Variants in KCNH7 observed in about 807,000 individuals in gnomAD.
KCNH7 encodes the protein potassium voltage-gated channel subfamily H member 7.
KCNH7 carries 49 observed loss-of-function variants against 120.8 expected under a neutral mutation model. The ratio of observed to expected loss-of-function variants is 0.41; its 90% CI spans 0.32 to 0.51. The LOEUF (loss-of-function observed/expected upper bound fraction) is 0.51, where lower values mean the gene tolerates loss of function less well. KCNH7 is among the 20% of genes least tolerant of loss of function. The probability of loss-of-function intolerance (pLI) is 0.38; values close to 1 mark genes in which losing one functional copy is unlikely to be tolerated. For synonymous variants in KCNH7, 547 were observed against 516.1 expected (o/e 1.06, Z -0.81); for missense variants, 1,097 against 1,446.6 (o/e 0.76, Z 3.92).
chr2:162,829,582 G>A (rs1025264025), intron 2 of KCNH7, among the ~76,000 whole-genome samples: 9 of 152,082 alleles, frequency 5.9e-5, no homozygotes, highest in African/African-American at 2.2e-4. Flanking sequence ...GCAAGTGAGT[G>A]ACACTTAGGT....
chr2:162,428,854 G>A (rs1055390992), intron 8 of KCNH7, among the ~76,000 whole-genome samples: 22 of 151,762 alleles, frequency 1.4e-4, no homozygotes, highest in African/African-American at 5.1e-4. Context: ...ATTAGGATTT[G>A]TATGAACATT....
chr2:162,735,386 T>TA lies in KCNH7; in HGVS notation c.307+101150dup, dbSNP rs956684152. 4.6e-5 allele frequency among the ~76,000 whole-genome samples: 7 copies of TA among 152,226 alleles called. 1 individual carries two copies. Among genetic ancestry groups the TA allele is most frequent in the South Asian group, 4.1e-4 (2 of 4,824 alleles). ...AATCCTGCTAAAGAATAAGCATAGT[T>TA]AAAAAATAACCTGCCATTGCTTTGC... On this transcript the variant is annotated intron_variant, in intron 2 of 15. Transcript: ENST00000332142.
intron 2 of KCNH7, among the ~76,000 whole-genome samples, chr2:162,740,510 G>A (rs1021802576): frequency 7.2e-5 from 11 of 152,170 alleles, no homozygotes; most frequent in African/African-American, 2.4e-4. Flanking sequence ...GTGAGTTTGT[G>A]TCTGCAGGCA....
chr2:162,674,561 A>T (rs966502161), intron 2 of KCNH7, among the ~76,000 whole-genome samples: 8 of 151,750 alleles, frequency 5.3e-5, no homozygotes, highest in African/African-American at 1.9e-4. Context: ...AAAAAAGAAT[A>T]AATTTAGGGG....
chr2:162,809,911 T>TAATATAATATACA (rs1455946367), intron 2 of KCNH7, among the ~76,000 whole-genome samples: 2 of 54,860 alleles, frequency 3.6e-5, no homozygotes, highest in African/African-American at 5.6e-5. Context: ...CACCTATTCT[T>TAATATAATATACA]TTTTTTTTTT....
In KCNH7 at chr2:162,747,187, T is replaced by C. The variant is rs557590562; in HGVS notation, c.307+89350A>G. Among the ~76,000 whole-genome samples, 17 of 152,130 alleles carry C rather than the reference T, an allele frequency of 1.1e-4. No homozygotes were observed. In the East Asian group the frequency reaches 3.3e-3, roughly 29 times the overall value. ...TGGATGAAGAGATAAGAAAAAAAAG[T>C]CTTAAAAATATGGTAGCAAAAAAGC... is the stretch of plus-strand genomic sequence containing the variant. On this transcript the variant is annotated intron_variant, in intron 2 of 15. Transcript: ENST00000332142.
At chr2:162,786,784 A>G (rs957420431) in intron 2 of KCNH7, among the ~76,000 whole-genome samples, 2 of 152,194 alleles carry the variant, frequency 1.3e-5, no homozygotes, top group African/African-American at 4.8e-5. Flanking sequence ...GAAGAGGGGT[A>G]TCATCAGCAA....
At chr2:162,563,665 A>C (rs573434340) in intron 2 of KCNH7, among the ~76,000 whole-genome samples, 1 of 152,312 alleles carries the variant, frequency 6.6e-6, no homozygotes, top group South Asian at 2.1e-4. Context: ...TACAAAGTGT[A>C]AACTAAGAAA....
At chr2:162,672,060 T>C (rs1685379406) in intron 2 of KCNH7, among the ~76,000 whole-genome samples, 1 of 152,004 alleles carries the variant, frequency 6.6e-6, no homozygotes, top group Admixed American at 6.6e-5. Context: ...AAAGCAAAGA[T>C]TGACAGAACC....
At chr2:162,488,637 A>G (rs541313060) in intron 6 of KCNH7, among the ~76,000 whole-genome samples, 3 of 152,274 alleles carry the variant, frequency 2.0e-5, no homozygotes, top group East Asian at 3.9e-4. Context: ...TCATTTTACA[A>G]TCCTACACTC....
At chr2:162,391,173 A>T (rs572273714) in intron 12 of KCNH7, among the ~76,000 whole-genome samples, 1 of 152,192 alleles carries the variant, frequency 6.6e-6, no homozygotes, top group Admixed American at 6.6e-5. Flanking sequence ...GTTTCCTTTC[A>T]TATGAGCAAT....
chr2:162,793,479 A>C (rs565912904), intron 2 of KCNH7, among the ~76,000 whole-genome samples: 24 of 152,218 alleles, frequency 1.6e-4, no homozygotes, highest in African/African-American at 5.8e-4. Flanking sequence ...TAAGAAATCA[A>C]TTCATTTTAT....
At chr2:162,770,624 A>G (rs1034873878) in intron 2 of KCNH7, among the ~76,000 whole-genome samples, 18 of 152,126 alleles carry the variant, frequency 1.2e-4, no homozygotes, top group African/African-American at 4.1e-4. Context: ...TGACTATTAT[A>G]TGATTCGGAT....
chr2:162,425,623 G>A (rs1357446060), intron 8 of KCNH7, among the ~76,000 whole-genome samples: 3 of 152,120 alleles, frequency 2.0e-5, no homozygotes, highest in Non-Finnish European at 4.4e-5. Flanking sequence ...TACCTATCAT[G>A]TGCTCAGGAA....
intron 6 of KCNH7, among the ~76,000 whole-genome samples, chr2:162,455,285 C>T (rs1329393357): frequency 2.0e-5 from 3 of 152,050 alleles, no homozygotes; most frequent in Non-Finnish European, 4.4e-5. Flanking sequence ...GGGATGAAGC[C>T]GACTTGATCA....
At chr2:162,501,307 G>T (rs1054885831) in intron 6 of KCNH7, among the ~76,000 whole-genome samples, 1 of 152,020 alleles carries the variant, frequency 6.6e-6, no homozygotes, top group Non-Finnish European at 1.5e-5. Flanking sequence ...AAAAAAGAGA[G>T]AACTTTTATA....
chr2:162,551,230 T>C (rs1054119063), intron 2 of KCNH7, among the ~76,000 whole-genome samples: 1 of 152,148 alleles, frequency 6.6e-6, no homozygotes, highest in African/African-American at 2.4e-5. Flanking sequence ...GCTTAAAACA[T>C]TTTTGAAAAC....
chr2:162,414,581 T>C (rs1001581176), intron 9 of KCNH7, among the ~76,000 whole-genome samples: 1 of 151,916 alleles, frequency 6.6e-6, no homozygotes, highest in Non-Finnish European at 1.5e-5. Flanking sequence ...CATAATTAAA[T>C]GTTTTTTAGA....
intron 2 of KCNH7, among the ~76,000 whole-genome samples, chr2:162,647,147 C>A (rs1415362087): frequency 3.3e-5 from 5 of 152,128 alleles, no homozygotes; most frequent in Non-Finnish European, 7.3e-5. Flanking sequence ...TATGTGTCCA[C>A]CTAATGGCAT....
Sources: gnomAD v4.1 joint callset for allele counts (sites outside exome capture counted in the v4.1 genomes callset) on GRCh38, gnomAD v4.1.1 for gene constraint, MANE v1.5 for transcripts, NCBI Gene and HGNC (gene_info 2026-07-23, HGNC 2026-07-21) for gene names.